GALNT8: variants seen among roughly 807,000 people sequenced by gnomAD.
The protein encoded by GALNT8 is probable polypeptide N-acetylgalactosaminyltransferase 8.
GALNT8 carries 66 observed loss-of-function variants against 62.7 expected under a neutral mutation model. The ratio of observed to expected loss-of-function variants is 1.05; its 90% CI spans 0.86 to 1.29. GALNT8 has a LOEUF of 1.29. Among genes scored for constraint, GALNT8 ranks in the 50% most tolerant of loss-of-function variants. The pLI, the probability that GALNT8 is intolerant of heterozygous loss-of-function variation, is 0.00. For synonymous variants in GALNT8, 288 were observed against 294.3 expected (o/e 0.98, Z 0.22); for missense variants, 771 against 791.8 (o/e 0.97, Z 0.32).
intron 10 of GALNT8, among the ~76,000 whole-genome samples, chr12:4,771,984 G>A (rs746844078): frequency 2.6e-4 from 40 of 152,204 alleles, no homozygotes; most frequent in Non-Finnish European, 5.4e-4. Context: ...AGCTGCCTCA[G>A]AGGCTGAGAT....
Position 4,726,339 on chromosome 12 carries a change from A to G in GALNT8, c.212-193A>G, listed in dbSNP as rs1161635140. Among the ~76,000 whole-genome samples the G allele has an allele frequency of 2.0e-5, 3 of 152,178 alleles. No individual in the cohort carries two copies. Among genetic ancestry groups the G allele is most frequent in the African/African-American group, 4.8e-5 (2 of 41,426 alleles). On this transcript the variant is annotated intron_variant, in intron 1 of 10. Transcript: ENST00000252318. The surrounding 1 kb of genome is among the most constrained non-coding windows in gnomAD (Gnocchi z 4.1). ...GGCTAAAGGGAGAGACGTATCTAGT[A>G]CATACTTTGCTGGGACAGCCTTGCA... is the stretch of plus-strand genomic sequence containing the variant.
Position 4,772,680 on chromosome 12 carries a change from A to C in GALNT8, c.*83A>C. 9.3e-6 allele frequency: 10 copies of C among 1,073,286 alleles called. No homozygotes were observed. The highest frequency in any genetic ancestry group is 1.4e-5 in the Non-Finnish European group (10 of 718,238). The allele number at this position is 1,073,286 out of a possible 1,614,324, so 66.5% of individuals were successfully genotyped here. ...CCTAACACTCCCAGCTTCTTTCTCAATGAGAAAGAAAGCATGTGTATGTCT... is the reference window on the plus strand; with the variant it reads ...CCTAACACTCCCAGCTTCTTTCTCACTGAGAAAGAAAGCATGTGTATGTCT... On this transcript the variant is annotated 3_prime_UTR_variant, in exon 11 of 11. Coordinates refer to ENST00000252318, the MANE Select transcript of GALNT8 (RefSeq NM_017417.2).
At chr12:4,772,364 C>T in intron 10 of GALNT8, 81 bp from the exon 11 acceptor site, 2 of 1,279,672 alleles carry the variant, frequency 1.6e-6, no homozygotes, top group Non-Finnish European at 2.2e-6. Flanking sequence ...TGGCTGAGCA[C>T]AGCAGGGAGA....
chr12:4,721,708 T>A (rs368733464), intron 1 of GALNT8, among the ~76,000 whole-genome samples: 1 of 152,050 alleles, frequency 6.6e-6, no homozygotes, highest in African/African-American at 2.4e-5. Context: ...AGGAGACAGA[T>A]GCCTTCCTCT....
rs191037243 is a variant in GALNT8, at chr12:4,724,022, G to A, written c.212-2510G>A. Reference sequence around the variant, plus strand: ...AAATTAGCTGGGCGTGGTGGCGGGCGCCTGTAGTCCCAGCTACTCGGGAAG... The same window carrying A: ...AAATTAGCTGGGCGTGGTGGCGGGCACCTGTAGTCCCAGCTACTCGGGAAG... On this transcript the variant is annotated intron_variant, in intron 1 of 10. Coordinates refer to ENST00000252318, the MANE Select transcript of GALNT8 (RefSeq NM_017417.2). Among the ~76,000 whole-genome samples the A allele has an allele frequency of 5.8e-3, 831 of 144,444 alleles. 8 individuals are homozygous for A. The highest frequency in any genetic ancestry group is 0.019 in the African/African-American group (775 of 40,496). The allele number at this position is 144,444 out of a possible 152,430, so 94.8% of individuals were successfully genotyped here.
At chr12:4,734,377 G>A (rs1049999940) in intron 2 of GALNT8, among the ~76,000 whole-genome samples, 1 of 152,152 alleles carries the variant, frequency 6.6e-6, no homozygotes, top group Non-Finnish European at 1.5e-5. Context: ...ACCCCGCTCA[G>A]ACCTACTGAT....
At chr12:4,762,572 G>T (rs986996238) in intron 7 of GALNT8, among the ~76,000 whole-genome samples, 1 of 152,164 alleles carries the variant, frequency 6.6e-6, no homozygotes, top group Non-Finnish European at 1.5e-5. Context: ...AGCAATCTGC[G>T]TAAGCTTATG....
At chr12:4,725,442 A>T (rs779414976) in intron 1 of GALNT8, among the ~76,000 whole-genome samples, 2 of 152,126 alleles carry the variant, frequency 1.3e-5, no homozygotes, top group African/African-American at 2.4e-5. Context: ...AATTAGATTT[A>T]TATAGACCAA....
Position 4,746,228 on chromosome 12 carries a change from T to C in GALNT8, c.1143T>C (p.Tyr381=). ...IGSLDGGMLI[Y]GGENVELSLR... ...CTCTGGATGGTGGAATGCTCATCTA[T>C]GGAGGAGAGAACGTGGAGCTTAGCC... Residue 381 remains tyrosine (Y), a synonymous_variant, in exon 6 of 11, where the codon TAT becomes TAC. Transcript: ENST00000252318. The C allele has an allele frequency of 6.2e-7, 1 of 1,610,006 alleles. No homozygotes were observed. Among genetic ancestry groups the C allele is most frequent in the Non-Finnish European group, 8.5e-7 (1 of 1,176,318 alleles).
At chr12:4,741,017 G>A (rs1946269760) in intron 3 of GALNT8, among the ~76,000 whole-genome samples, 1 of 152,182 alleles carries the variant, frequency 6.6e-6, no homozygotes, top group South Asian at 2.1e-4. Context: ...ATAAAAGAGA[G>A]TAGAATTAAG....
At chr12:4,763,463 A>T in intron 8 of GALNT8, 73 bp downstream of exon 8, 1 of 1,285,334 alleles carries the variant, frequency 7.8e-7, no homozygotes, top group Non-Finnish European at 1.1e-6. Context: ...GAATCTCGTG[A>T]TTGCCTGTCC....
Position 4,761,051 on chromosome 12 carries a change from G to A in GALNT8, c.1267G>A (p.Ala423Thr), listed in dbSNP as rs766726075. The change falls in exon 7 of 11, where the codon GCT (alanine) becomes ACT (threonine). Residue 423 changes from alanine (A) to threonine (T), a missense_variant. Transcript: ENST00000252318. ...CAAGCCCTACGCCTTGGATCTCACCGCTGCCTTGAAGCGCAATGCTCTGCG... is the reference window on the plus strand; with the variant it reads ...CAAGCCCTACGCCTTGGATCTCACCACTGCCTTGAAGCGCAATGCTCTGCG... Reference protein sequence around the residue: ...HHKPYALDLTAALKRNALRVA... With the variant: ...HHKPYALDLTTALKRNALRVA... The A allele has an allele frequency of 3.7e-5, 60 of 1,613,808 alleles. 1 individual carries two copies. The Admixed American group carries it at 6.7e-4, about 18-fold the overall frequency.
chr12:4,744,735 G>T, intron 4 of GALNT8, 35 bp downstream of exon 4: 1 of 1,454,460 alleles, frequency 6.9e-7, no homozygotes, highest in Non-Finnish European at 9.5e-7. Context: ...TCTGGAAAGG[G>T]CAGAGAGGAG....
chr12:4,742,582 G>A (rs892657740), intron 3 of GALNT8, among the ~76,000 whole-genome samples: 3 of 152,166 alleles, frequency 2.0e-5, no homozygotes, highest in South Asian at 2.1e-4. Context: ...CGAGTGAACC[G>A]TCAGTGAGCA....
At chr12:4,744,470 T>A in intron 3 of GALNT8, 47 bp from the exon 4 acceptor site, 1 of 1,366,090 alleles carries the variant, frequency 7.3e-7, no homozygotes, top group South Asian at 1.3e-5. Flanking sequence ...TTGTATCACG[T>A]TGATTGTTGC....
chr12:4,743,018 A>G (rs1299126752), intron 3 of GALNT8, among the ~76,000 whole-genome samples: 3 of 152,150 alleles, frequency 2.0e-5, no homozygotes, highest in East Asian at 3.9e-4. Flanking sequence ...GAAATTTTTA[A>G]TATTTGTTTT....
chr12:4,763,870 G>T, intron 8 of GALNT8, 82 bp from the exon 9 acceptor site: 1 of 787,762 alleles, frequency 1.3e-6, no homozygotes, highest in East Asian at 2.5e-5. Context: ...CGGTGTGTTG[G>T]GGAAAATGTA....
intron 2 of GALNT8, among the ~76,000 whole-genome samples, chr12:4,733,319 A>G (rs954200433): frequency 1.1e-4 from 16 of 152,198 alleles, no homozygotes; most frequent in African/African-American, 3.6e-4. Context: ...GGTACTGGTG[A>G]TGCAGGGAGG....
rs1397538304 is a variant in GALNT8 at position 4,745,532 on chromosome 12, C to T, written c.964C>T (p.Leu322=). ...FDTFKLDKYE[L]AVDGFNWELW... ...CACCTTCAAACTGGATAAGTATGAA[C>T]TGGCAGTTGATGGGTTTAACTGGGA... Residue 322 remains leucine (L), a synonymous_variant, in exon 5 of 11, where the codon CTG becomes TTG. Transcript: ENST00000252318. The T allele has an allele frequency of 6.8e-6, 11 of 1,612,566 alleles. No homozygotes were observed. Among genetic ancestry groups the T allele is most frequent in the Non-Finnish European group, 9.3e-6 (11 of 1,178,660 alleles).
Sources: gnomAD v4.1 joint callset for allele counts (sites outside exome capture counted in the v4.1 genomes callset) on GRCh38, gnomAD v4.1.1 for gene constraint, Gnocchi (gnomAD v3.1) non-coding constraint, MANE v1.5 for transcripts, NCBI Gene and HGNC (gene_info 2026-07-23, HGNC 2026-07-21) for gene names.